SRGAP3: variants seen among roughly 807,000 people sequenced by gnomAD.
The protein encoded by SRGAP3 is SLIT-ROBO Rho GTPase-activating protein 3.
In SRGAP3, 39 loss-of-function variants were observed where a neutral mutation model predicts 121.1. That is an observed-to-expected ratio of 0.32 (90% confidence interval 0.25 to 0.42). The LOEUF is 0.42. Among genes scored for constraint, SRGAP3 ranks in the 10% least tolerant of loss-of-function variants. The pLI is 1.00. For synonymous variants in SRGAP3, 601 were observed against 570.0 expected (o/e 1.05, Z -0.77); for missense variants, 1,213 against 1,470.6 (o/e 0.82, Z 2.86).
At chr3:9,276,823 A>G (rs1424736443) in intron 3 of SRGAP3, among the ~76,000 whole-genome samples, 2 of 152,232 alleles carry the variant, frequency 1.3e-5, no homozygotes, top group African/African-American at 2.4e-5. Context: ...CACTGCTTCA[A>G]TTCTATCCTA....
At chr3:9,319,847 G>C (rs972629035) in intron 3 of SRGAP3, among the ~76,000 whole-genome samples, 2 of 151,924 alleles carry the variant, frequency 1.3e-5, no homozygotes, top group African/African-American at 2.4e-5. Context: ...ATGACTGTGA[G>C]AGTAAGAAGT....
At chr3:9,071,407 T>C (rs1946705517) in intron 4 of SRGAP3, among the ~76,000 whole-genome samples, 1 of 152,158 alleles carries the variant, frequency 6.6e-6, no homozygotes, top group Admixed American at 6.5e-5. Flanking sequence ...TAAACTTATG[T>C]TCATCTGGCC....
chr3:9,051,787 A>G (rs1020554932), intron 9 of SRGAP3, among the ~76,000 whole-genome samples: 8 of 137,074 alleles, frequency 5.8e-5, no homozygotes, highest in African/African-American at 2.2e-4. Context: ...ATCTTGGCTC[A>G]CTGCAACCTC....
chr3:9,093,809 A>G (rs1287591193), intron 3 of SRGAP3, among the ~76,000 whole-genome samples: 1 of 152,188 alleles, frequency 6.6e-6, no homozygotes, highest in Non-Finnish European at 1.5e-5. Context: ...CCCATTCAAG[A>G]ACCTTCAATG....
At chr3:9,265,067 C>T (rs1258631285) in intron 3 of SRGAP3, among the ~76,000 whole-genome samples, 1 of 152,114 alleles carries the variant, frequency 6.6e-6, no homozygotes, top group African/African-American at 2.4e-5. Flanking sequence ...AGAAATAACA[C>T]CACACATCTA....
At chr3:9,230,706 C>A (rs147215127) in intron 1 of SRGAP3, among the ~76,000 whole-genome samples, 93 of 152,060 alleles carry the variant, frequency 6.1e-4, no homozygotes, top group African/African-American at 2.1e-3. Flanking sequence ...GCTGTCTCTA[C>A]AAAATTTTTT....
At chr3:9,356,998 C>T (rs899003294) in intron 1 of SRGAP3, among the ~76,000 whole-genome samples, 1 of 152,028 alleles carries the variant, frequency 6.6e-6, no homozygotes, top group African/African-American at 2.4e-5. Context: ...TGTGGTGGCT[C>T]ATGCCTGTAA....
At chr3:9,332,106 T>C (rs1434696203) in intron 1 of SRGAP3, among the ~76,000 whole-genome samples, 1 of 145,210 alleles carries the variant, frequency 6.9e-6, no homozygotes, top group African/African-American at 2.5e-5. Flanking sequence ...GTACAAGCCC[T>C]TTCATTGAGG....
upstream of SRGAP3, among the ~76,000 whole-genome samples, chr3:9,253,387 A>T (rs748518100): frequency 4.6e-5 from 7 of 152,222 alleles, no homozygotes; most frequent in African/African-American, 1.2e-4. Context: ...GGTTAAAAAT[A>T]TAAGGAAAAC....
chr3:9,251,912 G>A (rs1954027163), upstream of SRGAP3, among the ~76,000 whole-genome samples: 1 of 152,118 alleles, frequency 6.6e-6, no homozygotes, highest in African/African-American at 2.4e-5. Flanking sequence ...TCTGTCATAG[G>A]GTAGTGATCC....
intron 3 of SRGAP3, among the ~76,000 whole-genome samples, chr3:9,294,784 C>G (rs139951942): frequency 2.7e-5 from 4 of 150,794 alleles, no homozygotes; most frequent in African/African-American, 7.3e-5. Flanking sequence ...CAGCTCCCCC[C>G]ACCTGTGACA....
At chr3:9,047,735 AG>A (rs1231210424) in intron 9 of SRGAP3, among the ~76,000 whole-genome samples, 1 of 152,220 alleles carries the variant, frequency 6.6e-6, no homozygotes, top group African/African-American at 2.4e-5. Flanking sequence ...AAAGCAAACC[AG>A]GGGAGAATGG....
At chr3:9,221,529 C>T (rs968824426) in intron 1 of SRGAP3, among the ~76,000 whole-genome samples, 1 of 152,022 alleles carries the variant, frequency 6.6e-6, no homozygotes, top group Admixed American at 6.6e-5. Context: ...AGAGCAAGGC[C>T]CTATCTTTTA....
At chr3:9,258,166 C>A (rs1954175448) in intron 3 of SRGAP3, among the ~76,000 whole-genome samples, 1 of 152,120 alleles carries the variant, frequency 6.6e-6, no homozygotes. Context: ...CACAGGGTCC[C>A]ATGGGATCTC....
At chr3:9,022,641 G>A (rs1026406617) in intron 14 of SRGAP3, among the ~76,000 whole-genome samples, 3 of 152,176 alleles carry the variant, frequency 2.0e-5, no homozygotes, top group African/African-American at 2.4e-5. Flanking sequence ...AAAAGAGTAA[G>A]TGAGAAATCT....
At chr3:9,198,263 G>A (rs1425460950) in intron 1 of SRGAP3, among the ~76,000 whole-genome samples, 2 of 152,114 alleles carry the variant, frequency 1.3e-5, no homozygotes, top group African/African-American at 4.8e-5. Context: ...TACATGTCTC[G>A]GGCAACCAGT....
At chr3:9,073,006 G>A (rs1237995128) in intron 4 of SRGAP3, among the ~76,000 whole-genome samples, 1 of 152,212 alleles carries the variant, frequency 6.6e-6, no homozygotes, top group Non-Finnish European at 1.5e-5. Context: ...GCAGGCACAA[G>A]CTTGAATATA....
chr3:9,026,573 T>C (rs1944212748), intron 13 of SRGAP3, among the ~76,000 whole-genome samples: 1 of 152,198 alleles, frequency 6.6e-6, no homozygotes, highest in African/African-American at 2.4e-5. Context: ...AAAGCCACAA[T>C]TACTTTGGCA....
chr3:9,016,683 T>C (rs1261035650), intron 14 of SRGAP3, among the ~76,000 whole-genome samples: 1 of 152,214 alleles, frequency 6.6e-6, no homozygotes, highest in Non-Finnish European at 1.5e-5. Flanking sequence ...ACCGTGTGCA[T>C]GTAGTGCCCA....
Sources: allele counts gnomAD v4.1 joint callset (sites outside exome capture counted in the v4.1 genomes callset), GRCh38; gene constraint gnomAD v4.1.1; transcripts MANE v1.5; gene names NCBI Gene and HGNC (gene_info 2026-07-23, HGNC 2026-07-21).